The following CCDC83 variants were observed in gnomAD, a reference collection of about 807,000 sequenced individuals.
CCDC83 encodes coiled-coil domain-containing protein 83.
Under a neutral mutation model 50.1 loss-of-function variants are expected in CCDC83, and 54 were observed. That is an observed-to-expected ratio of 1.08 (90% confidence interval 0.87 to 1.35). The LOEUF (loss-of-function observed/expected upper bound fraction) is 1.35. Ranked by LOEUF, CCDC83 falls within the 40% of genes most tolerant of loss-of-function variation. The pLI is 0.00. For synonymous variants in CCDC83, 161 were observed against 153.3 expected (o/e 1.05, Z -0.37); for missense variants, 518 against 473.9 (o/e 1.09, Z -0.86).
intron 7 of CCDC83, 96 bp downstream of exon 7, chr11:85,899,111 G>A: frequency 1.1e-6 from 1 of 886,148 alleles, no homozygotes; most frequent in Non-Finnish European, 1.8e-6. Context: ...GGAAAAGCAT[G>A]GTACCATGAC....
chr11:85,879,115 G>A (rs1342805033), intron 3 of CCDC83, among the ~76,000 whole-genome samples: 2 of 152,124 alleles, frequency 1.3e-5, no homozygotes. Context: ...CTGTAACAGA[G>A]TAAAAGTTTT....
chr11:85,916,282 G>A (rs762049663), intron 10 of CCDC83, 49 bp downstream of exon 10: 1 of 1,261,102 alleles, frequency 7.9e-7, no homozygotes, highest in South Asian at 1.3e-5. Context: ...ATGCTGTTTT[G>A]AGAAATGCTG....
intron 1 of CCDC83, 81 bp from the exon 2 acceptor site, chr11:85,865,015 A>G (rs1161566814): frequency 1.4e-6 from 1 of 708,574 alleles, no homozygotes; most frequent in African/African-American, 1.8e-5. Flanking sequence ...ATTAAGTCCC[A>G]GAGGTACCTT....
At position 85,865,157 on chromosome 11, in the gene CCDC83, A is replaced by G; in HGVS notation, c.34A>G (p.Thr12Ala). Residue 12 changes from threonine (T) to alanine (A), a missense_variant, in exon 2 of 11, where the codon ACA (threonine) becomes GCA (alanine). Physicochemically the swap from Thr to Ala is moderately conservative, Grantham distance 58. Coordinates refer to ENST00000342404, the MANE Select transcript of CCDC83 (RefSeq NM_001286159.2). ...ENSGKANKKD[T>A]HDGPPKEIKL... ...CTCAGGGAAAGCAAATAAAAAGGAT[A>G]CACATGACGGGCCACCAAAAGAAAT... 6.2e-7 allele frequency: 1 copy of G among 1,613,044 alleles called. No homozygotes were observed. Among genetic ancestry groups the G allele is most frequent in the Non-Finnish European group, 8.5e-7 (1 of 1,179,070 alleles).
rs767998604 is a variant in CCDC83, at chr11:85,911,364, A to ACT, written c.757_758dup (p.Ser254TyrfsTer23). 13 of 1,611,682 alleles carry ACT rather than the reference A, an allele frequency of 8.1e-6. No homozygotes were observed. The highest frequency in any genetic ancestry group is 1.1e-5 in the Non-Finnish European group (13 of 1,179,032). On this transcript the variant is annotated frameshift_variant, in exon 8 of 11. Transcript: ENST00000342404. LOFTEE classifies it high-confidence loss of function. Reference sequence around the variant, plus strand: ...CAGAAAATTTGGTGCTTATTGATCAACTATCCAACTGTAGACTTGTGGATC... The same window carrying ACT: ...CAGAAAATTTGGTGCTTATTGATCAACTCTATCCAACTGTAGACTTGTGGATC...
At chr11:85,881,502 A>T (rs538291389) in intron 3 of CCDC83, among the ~76,000 whole-genome samples, 1 of 152,240 alleles carries the variant, frequency 6.6e-6, no homozygotes, top group South Asian at 2.1e-4. Flanking sequence ...AGCTCACTGT[A>T]ACCTCAAACT....
intron 10 of CCDC83, 99 bp from the exon 11 acceptor site, chr11:85,919,250 G>C (rs903417182): frequency 1.8e-6 from 2 of 1,117,842 alleles, no homozygotes; most frequent in African/African-American, 3.2e-5. Flanking sequence ...AATGAAGTCT[G>C]TCAGATAAAG....
At position 85,919,226 on chromosome 11, in the gene CCDC83, G is replaced by C. The variant is rs1000892091; in HGVS notation, c.1081-123G>C. ...ATATTTCATGTGCTACACAGCATCA[G>C]GCAATTAGGGGGCAATGAAGTCTGT... On this transcript the variant is annotated intron_variant, in intron 10 of 10. Transcript: ENST00000342404. 3 of 845,510 alleles carry C rather than the reference G, an allele frequency of 3.5e-6. No homozygotes were observed. In the African/African-American group the frequency reaches 5.2e-5, roughly 15 times the overall value. The allele number at this position is 845,510 out of a possible 1,614,324, so 52.4% of individuals were successfully genotyped here. A position where few individuals can be genotyped will look rare whatever the true frequency, so the allele number is the denominator to read the frequency against.
At chr11:85,870,393 G>T (rs940826506) in intron 2 of CCDC83, among the ~76,000 whole-genome samples, 8 of 152,184 alleles carry the variant, frequency 5.3e-5, no homozygotes, top group Admixed American at 2.0e-4. Flanking sequence ...AGTATTAATA[G>T]ATTTATAACT....
chr11:85,901,190 A>G (rs796671247), intron 7 of CCDC83, among the ~76,000 whole-genome samples: 44 of 152,270 alleles, frequency 2.9e-4, no homozygotes, highest in African/African-American at 8.7e-4. Context: ...AACATGGTGA[A>G]ACTCCATCTC....
intron 7 of CCDC83, 106 bp downstream of exon 7, chr11:85,899,121 C>A (rs1181242408): frequency 1.3e-6 from 1 of 744,628 alleles, no homozygotes; most frequent in Non-Finnish European, 2.2e-6. Context: ...GGTACCATGA[C>A]TGACTGAGAC....
chr11:85,877,314 T>C (rs771601790), intron 3 of CCDC83, among the ~76,000 whole-genome samples: 5 of 151,944 alleles, frequency 3.3e-5, no homozygotes, highest in Non-Finnish European at 5.9e-5. Context: ...CTACAAAAAA[T>C]TGTAGAAAGT....
At chr11:85,916,284 G>A in intron 10 of CCDC83, 51 bp downstream of exon 10, 1 of 1,262,152 alleles carries the variant, frequency 7.9e-7, no homozygotes, top group Non-Finnish European at 1.1e-6. Context: ...GCTGTTTTGA[G>A]AAATGCTGTT....
chr11:85,903,899 G>A (rs543032325), intron 7 of CCDC83, among the ~76,000 whole-genome samples: 16 of 152,068 alleles, frequency 1.1e-4, no homozygotes, highest in South Asian at 4.2e-4. Flanking sequence ...CCCAGGAGGC[G>A]GAGGTTGTAG....
chr11:85,896,519 A>T (rs2093376693), intron 6 of CCDC83, among the ~76,000 whole-genome samples: 1 of 151,580 alleles, frequency 6.6e-6, no homozygotes, highest in Admixed American at 6.6e-5. Flanking sequence ...TAGATTTCAG[A>T]TTCTCAGATT....
At chr11:85,872,056 G>A (rs1297195154) in intron 2 of CCDC83, among the ~76,000 whole-genome samples, 1 of 152,108 alleles carries the variant, frequency 6.6e-6, no homozygotes, top group Non-Finnish European at 1.5e-5. Flanking sequence ...GGGTTCAAGC[G>A]ATTCTCATGC....
Position 85,886,383 on chromosome 11 carries a change from A to C in CCDC83, c.511+16A>C. The C allele has an allele frequency of 6.4e-7, 1 of 1,566,126 alleles. No homozygotes were observed. Among genetic ancestry groups the C allele is most frequent in the East Asian group, 2.3e-5 (1 of 43,762 alleles). On this transcript the variant is annotated intron_variant, in intron 5 of 10. Transcript: ENST00000342404. ...AAAATGTCAGGTCAGTTGCAACAAA[A>C]CTAGTTCAAGTTCAGTAAAAAACAT...
intron 1 of CCDC83, among the ~76,000 whole-genome samples, chr11:85,858,137 C>A (rs2093153562): frequency 6.6e-6 from 1 of 152,186 alleles, no homozygotes; most frequent in Admixed American, 6.5e-5. Context: ...GTGCCATGGG[C>A]CACCTCAGCT....
chr11:85,868,970 A>G (rs943508117), intron 2 of CCDC83, among the ~76,000 whole-genome samples: 5 of 152,212 alleles, frequency 3.3e-5, no homozygotes, highest in African/African-American at 1.2e-4. Context: ...GCACAGCCTT[A>G]TAGTATGAGC....
Sources: gnomAD v4.1 joint callset for allele counts (sites outside exome capture counted in the v4.1 genomes callset) on GRCh38, gnomAD v4.1.1 for gene constraint, MANE v1.5 for transcripts, NCBI Gene and HGNC (gene_info 2026-07-23, HGNC 2026-07-21) for gene names.